Variants in GLI1 observed in about 807,000 individuals in gnomAD.
GLI1 encodes GLI family zinc finger 1, also known as transcription activator GLI1.
A neutral mutation model predicts 87.8 loss-of-function variants in GLI1; 51 were observed. That is an observed-to-expected ratio of 0.58 (90% CI 0.46 to 0.73). The LOEUF (loss-of-function observed/expected upper bound fraction) is 0.73. Among genes scored for constraint, GLI1 ranks in the 30% least tolerant of loss-of-function variants. GLI1 has a pLI of 0.00. For missense variants in GLI1, 1,292 were observed against 1,437.2 expected (o/e 0.90, Z 1.63); for synonymous variants, 528 against 558.2 (o/e 0.95, Z 0.76).
intron 4 of GLI1, 112 bp downstream of exon 4, chr12:57,464,980 A>G (rs768965086): frequency 1.2e-5 from 15 of 1,235,176 alleles, no homozygotes; most frequent in Non-Finnish European, 1.7e-5. Context: ...TTCAAAGACA[A>G]CTCTCCTCAG....
chr12:57,466,497 C>A (rs1350862831), intron 8 of GLI1, 108 bp downstream of exon 8: 6 of 716,196 alleles, frequency 8.4e-6, no homozygotes, highest in African/African-American at 1.8e-5. Flanking sequence ...CTTCCATAAA[C>A]AAATATTAAA....
chr12:57,469,309 C>T (rs2139861985), intron 10 of GLI1, 122 bp from the exon 11 acceptor site: 2 of 956,734 alleles, frequency 2.1e-6, no homozygotes, highest in East Asian at 2.6e-5. Flanking sequence ...CTGCTTAGCC[C>T]TTTCTACACT....
In GLI1 at chr12:57,470,933, A is replaced by G; in HGVS notation, c.2193A>G (p.Gly731=). The part of the protein sequence containing the change: ...YMDFPPTDTL[G]YGGPEGAAAE... ...ACTTCCCACCTACTGATACTCTGGG[A>G]TATGGGGGACCTGAAGGGGCAGCAG... The change falls in exon 12 of 12, where the codon GGA becomes GGG. Residue 731 remains glycine (G), a synonymous_variant. Coordinates refer to ENST00000228682, the MANE Select transcript of GLI1 (RefSeq NM_005269.3). 6.2e-7 allele frequency: 1 copy of G among 1,613,934 alleles called. No homozygotes were observed. The highest frequency in any genetic ancestry group is 8.5e-7 in the Non-Finnish European group (1 of 1,179,930).
In GLI1 at chr12:57,466,377, A is replaced by G; in HGVS notation, c.900A>G (p.Pro300=). 2 of 1,612,530 alleles carry G rather than the reference A, an allele frequency of 1.2e-6. No individual in the cohort carries two copies. Among genetic ancestry groups the G allele is most frequent in the Non-Finnish European group, 1.7e-6 (2 of 1,179,004 alleles). ...TGCGCAGACACACTGGCGAGAAGCC[A>G]CACAAGTGCACGGTGAGGCACCAGT... ...VHMRRHTGEK[P]HKCTFEGCRK... The change falls in exon 8 of 12, where the codon CCA becomes CCG. Residue 300 remains proline, a synonymous_variant. Coordinates refer to ENST00000228682, the MANE Select transcript of GLI1 (RefSeq NM_005269.3).
At chr12:57,463,967 C>T in intron 2 of GLI1, 32 bp from the exon 3 acceptor site, 1 of 1,487,978 alleles carries the variant, frequency 6.7e-7, no homozygotes, top group Non-Finnish European at 9.4e-7. Context: ...TATGTATCCT[C>T]CATTCCCATT....
rs766657731 is a variant in GLI1, at chr12:57,471,235, G to A, written c.2495G>A (p.Cys832Tyr). The A allele has an allele frequency of 1.2e-6, 2 of 1,603,692 alleles. No homozygotes were observed. Among genetic ancestry groups the A allele is most frequent in the Non-Finnish European group, 8.5e-7 (1 of 1,175,088 alleles). ...VGSDSTGLAP[C>Y]LNAHPSEGPP... ...TCTGACTCCACAGGACTGGCACCCT[G>A]CCTCAATGCCCACCCCAGTGAGGGG... Residue 832 changes from cysteine (C) to tyrosine (Y), a missense_variant, in exon 12 of 12, where the codon TGC becomes TAC. Physicochemically the swap from Cys to Tyr is radical, Grantham distance 194. Around this residue, in one of 3 missense-constraint regions of GLI1, gnomAD observed 897 missense variants for 1,040.7 expected, o/e 0.86. Transcript: ENST00000228682. The surrounding 1 kb of genome is among the most constrained non-coding windows in gnomAD (Gnocchi z 4.9).
chr12:57,463,922 G>A (rs1871310544), intron 2 of GLI1, 77 bp from the exon 3 acceptor site: 1 of 1,200,028 alleles, frequency 8.3e-7, no homozygotes, highest in South Asian at 1.2e-5. Flanking sequence ...CTGGAATCTG[G>A]GATCAGGTCA....
chr12:57,465,191 A>G lies in GLI1; in HGVS notation c.470A>G (p.His157Arg), dbSNP rs1039477087. ...TTTGGGGTCCAGCCTTGTGGTCCCC[A>G]TGACTCTGCCCGGGGTGGGATGATC... is the stretch of plus-strand genomic sequence containing the variant. Reference protein sequence around the residue: ...PSFGVQPCGPHDSARGGMIPH... With the variant: ...PSFGVQPCGPRDSARGGMIPH... Residue 157 changes from histidine (H) to arginine (R), a missense_variant, in exon 5 of 12, where the codon CAT (histidine) becomes CGT (arginine). His to Arg is a conservative substitution (Grantham distance 29). Around this residue, in one of 3 missense-constraint regions of GLI1, gnomAD observed 383 missense variants for 368.4 expected, o/e 1.04. Transcript: ENST00000228682. 30 of 1,613,838 alleles carry G rather than the reference A, an allele frequency of 1.9e-5. No individual in the cohort carries two copies. The Admixed American group carries it at 3.3e-4, about 18-fold the overall frequency.
In GLI1 at chr12:57,471,744, C is replaced by T; in HGVS notation, c.3004C>T (p.Leu1002Phe). 6.4e-7 allele frequency: 1 copy of T among 1,571,092 alleles called. No homozygotes were observed. The highest frequency in any genetic ancestry group is 8.6e-7 in the Non-Finnish European group (1 of 1,157,804). Residue 1002 changes from leucine to phenylalanine, a missense_variant, in exon 12 of 12, where the codon CTC becomes TTC. Leu to Phe is a conservative substitution (Grantham distance 22). Coordinates refer to ENST00000228682, the MANE Select transcript of GLI1 (RefSeq NM_005269.3). The surrounding 1 kb of genome is among the most constrained non-coding windows in gnomAD (Gnocchi z 4.9). ...LPPLPTCYGPLKVGGTNPSCG... is the reference protein window; with the variant it reads ...LPPLPTCYGPFKVGGTNPSCG... ...CCCATTGCCCACTTGCTATGGGCCT[C>T]TCAAAGTGGGAGGCACAAACCCCAG... is the stretch of plus-strand genomic sequence containing the variant.
chr12:57,466,282 G>C lies in GLI1; in HGVS notation c.805G>C (p.Val269Leu), dbSNP rs758378363. 2 of 1,613,996 alleles carry C rather than the reference G, an allele frequency of 1.2e-6. No homozygotes were observed. ...CATCCACGGGGAGCGGAAGGAGTTCGTGTGCCACTGGGGGGGCTGCTCCAG... is the reference window on the plus strand; with the variant it reads ...CATCCACGGGGAGCGGAAGGAGTTCCTGTGCCACTGGGGGGGCTGCTCCAG... ...EHIHGERKEF[V>L]CHWGGCSREL... is the part of the protein sequence containing the mutation. Residue 269 changes from valine (V) to leucine (L), a missense_variant, in exon 8 of 12, where the codon GTG becomes CTG. Transcript: ENST00000228682.
chr12:57,460,399 T>A (rs1276462881), intron 1 of GLI1, 198 bp downstream of exon 1: 1 of 152,380 alleles, frequency 6.6e-6, no homozygotes, highest in African/African-American at 2.4e-5. Context: ...CTTCCCTTTT[T>A]TTCTTCTGTC....
Position 57,471,456 on chromosome 12 carries a change from C to T in GLI1, c.2716C>T (p.Gln906Ter), listed in dbSNP as rs764559524. The T allele has an allele frequency of 3.1e-6, 5 of 1,613,346 alleles. No homozygotes were observed. In the South Asian group the frequency reaches 4.4e-5, roughly 14 times the overall value. The change falls in exon 12 of 12, where the codon CAG (glutamine) becomes TAG (stop). Residue 906 changes from glutamine (Q) to a stop codon, truncating the protein, a stop_gained. Transcript: ENST00000228682. LOFTEE classifies it high-confidence loss of function. The surrounding 1 kb of genome is among the most constrained non-coding windows in gnomAD (Gnocchi z 4.9). The part of the protein sequence containing the change: ...QLVCNYVQSQ[Q>*]ELLWEGGGRE... ...TGTGTGTAATTATGTTCAATCTCAA[C>T]AGGAGCTACTGTGGGAGGGTGGGGG...
Position 57,471,124 on chromosome 12 carries a change from C to G in GLI1, c.2384C>G (p.Ala795Gly). Residue 795 changes from alanine to glycine, a missense_variant, in exon 12 of 12, where the codon GCT (alanine) becomes GGT (glycine). Physicochemically the swap from Ala to Gly is moderately conservative, Grantham distance 60. Transcript: ENST00000228682. This position sits in a 1 kb window ranked among gnomAD's most constrained non-coding sequence, Gnocchi z 4.9. ...TCTGGGCTGTACCCAGGCCCCAAGG[C>G]TCTAGGTGGAACCTACAGCCAGTGT... is the stretch of plus-strand genomic sequence containing the variant. ...SHSGLYPGPK[A>G]LGGTYSQCPR... 1 of 1,613,310 alleles carries G rather than the reference C, an allele frequency of 6.2e-7. No individual in the cohort carries two copies. The highest frequency in any genetic ancestry group is 8.5e-7 in the Non-Finnish European group (1 of 1,179,658).
At chr12:57,462,876 C>G (rs1220830511) in intron 1 of GLI1, among the ~76,000 whole-genome samples, 1 of 152,256 alleles carries the variant, frequency 6.6e-6, no homozygotes, top group East Asian at 1.9e-4. Flanking sequence ...ACGGGCTGTC[C>G]CTGGGGAGGG....
chr12:57,464,546 A>C, intron 3 of GLI1, 127 bp from the exon 4 acceptor site: 1 of 630,126 alleles, frequency 1.6e-6, no homozygotes, highest in Admixed American at 3.0e-5. Flanking sequence ...AAAAAAAGTC[A>C]CAGATAGCAT....
Position 57,465,816 on chromosome 12 carries a change from G to A in GLI1, c.653G>A (p.Arg218Gln), listed in dbSNP as rs1040509893. ...QDPLLGMLDG[R>Q]EDLEREEKRE... ...CCCCTGTTGGGGATGCTGGATGGGC[G>A]GGAGGACCTCGAGAGAGAGGAGAAG... is the stretch of plus-strand genomic sequence containing the variant. Residue 218 changes from arginine (R) to glutamine (Q), a missense_variant, in exon 7 of 12, where the codon CGG becomes CAG. Coordinates refer to ENST00000228682, the MANE Select transcript of GLI1 (RefSeq NM_005269.3). The A allele has an allele frequency of 4.3e-6, 7 of 1,614,082 alleles. No individual in the cohort carries two copies. The highest frequency in any genetic ancestry group is 2.2e-5 in the East Asian group (1 of 44,900).
Position 57,468,042 on chromosome 12 carries a change from C to A in GLI1, c.1126C>A (p.Pro376Thr), listed in dbSNP as rs1430036137. 2 of 1,614,198 alleles carry A rather than the reference C, an allele frequency of 1.2e-6. No homozygotes were observed. The highest frequency in any genetic ancestry group is 8.5e-7 in the Non-Finnish European group (1 of 1,180,018). Reference protein sequence around the residue: ...LPGCTKRYTDPSSLRKHVKTV... With the variant: ...LPGCTKRYTDTSSLRKHVKTV... Reference sequence around the variant, plus strand: ...TGGCTGCACCAAACGCTATACAGATCCTAGCTCGCTGCGAAAACATGTCAA... The same window carrying A: ...TGGCTGCACCAAACGCTATACAGATACTAGCTCGCTGCGAAAACATGTCAA... Residue 376 changes from proline (P) to threonine (T), a missense_variant, in exon 10 of 12, where the codon CCT (proline) becomes ACT (threonine). Physicochemically the swap from Pro to Thr is conservative, Grantham distance 38. Around this residue, in one of 3 missense-constraint regions of GLI1, gnomAD observed 897 missense variants for 1,040.7 expected, o/e 0.86. Transcript: ENST00000228682.
At position 57,472,235 on chromosome 12, in the gene GLI1, T is replaced by C. The variant is rs1872081055; in HGVS notation, c.*174T>C. The C allele has an allele frequency of 5.0e-6, 3 of 599,218 alleles. No homozygotes were observed. Among genetic ancestry groups the C allele is most frequent in the Non-Finnish European group, 8.5e-6 (3 of 353,674 alleles). The allele number at this position is 599,218 out of a possible 1,614,324, so 37.1% of individuals were successfully genotyped here. A position where few individuals can be genotyped will look rare whatever the true frequency, so the allele number is the denominator to read the frequency against. On this transcript the variant is annotated 3_prime_UTR_variant, in exon 12 of 12. Transcript: ENST00000228682. The stretch of plus-strand genomic sequence containing the variant: ...GAGGAGAAATTTGATAATGACACTG[T>C]TTCCTGATAATAAAGGAACTGCATC...
chr12:57,462,809 GCT>G (rs1418436768), intron 1 of GLI1, among the ~76,000 whole-genome samples: 1 of 152,112 alleles, frequency 6.6e-6, no homozygotes, highest in African/African-American at 2.4e-5. Flanking sequence ...GCCCCACCTG[GCT>G]CTGTGTCGGG....
Sources: gnomAD v4.1 joint callset for allele counts (sites outside exome capture counted in the v4.1 genomes callset) on GRCh38, gnomAD v4.1.1 for gene constraint, gnomAD v4.1.1 regional missense constraint, Gnocchi (gnomAD v3.1) non-coding constraint, MANE v1.5 for transcripts, NCBI Gene and HGNC (gene_info 2026-07-23, HGNC 2026-07-21) for gene names.